The following PPP4R1 variants were observed in gnomAD, a reference collection of about 807,000 sequenced individuals.
PPP4R1 encodes the protein serine/threonine-protein phosphatase 4 regulatory subunit 1.
In PPP4R1, 42 loss-of-function variants were observed where a neutral mutation model predicts 111.2. That is an observed-to-expected ratio of 0.38 (90% CI 0.29 to 0.49). The LOEUF (loss-of-function observed/expected upper bound fraction) is 0.49. PPP4R1 is among the 20% of genes least tolerant of loss of function. The pLI is 0.97. For synonymous variants in PPP4R1, 409 were observed against 405.5 expected (o/e 1.01, Z -0.10); for missense variants, 1,012 against 1,161.6 (o/e 0.87, Z 1.87).
intron 2 of PPP4R1, among the ~76,000 whole-genome samples, chr18:9,611,406 G>A (rs1231188332): frequency 3.3e-5 from 5 of 152,000 alleles, no homozygotes; most frequent in Non-Finnish European, 7.4e-5. Context: ...GCTTCTCCAG[G>A]ATGTGACAGC....
intron 2 of PPP4R1, among the ~76,000 whole-genome samples, chr18:9,596,009 G>C (rs1383368472): frequency 3.9e-5 from 6 of 152,152 alleles, no homozygotes; most frequent in Non-Finnish European, 8.8e-5. Context: ...AAACCTGACT[G>C]AAGAGGTAAA....
At chr18:9,599,354 C>T (rs1478107910) in intron 2 of PPP4R1, among the ~76,000 whole-genome samples, 1 of 152,032 alleles carries the variant, frequency 6.6e-6, no homozygotes, top group Non-Finnish European at 1.5e-5. Context: ...AACACACATA[C>T]ACCAAAGACA....
chr18:9,603,133 G>T (rs918793957), intron 2 of PPP4R1, among the ~76,000 whole-genome samples: 1 of 121,066 alleles, frequency 8.3e-6, no homozygotes, highest in Non-Finnish European at 1.7e-5. Context: ...AGTAAGTAGG[G>T]AAACCATGTG....
At position 9,614,463 on chromosome 18, in the gene PPP4R1, CA is replaced by C. The variant is rs1205258535; in HGVS notation, c.7+14del. 39 of 1,032,208 alleles carry C rather than the reference CA, an allele frequency of 3.8e-5. No individual in the cohort carries two copies. In the East Asian group the frequency reaches 2.7e-3, roughly 71 times the overall value. 63.9% of individuals were successfully genotyped at this position (1,032,208 alleles called of 1,614,324 possible). A position where few individuals can be genotyped will look rare whatever the true frequency, so the allele number is the denominator to read the frequency against. On this transcript the variant is annotated intron_variant, in intron 1 of 19. Coordinates refer to ENST00000400556, the MANE Select transcript of PPP4R1 (RefSeq NM_001042388.3). This position sits in a 1 kb window ranked among gnomAD's most constrained non-coding sequence, Gnocchi z 4.1. ...CGAGGAGCCGCCGCCGCCCGGAGAACAGGGGGCCACGTACCCGCCATCTTGT... is the reference window on the plus strand; with the variant it reads ...CGAGGAGCCGCCGCCGCCCGGAGAACGGGGGCCACGTACCCGCCATCTTGT...
At chr18:9,613,229 ACT>A (rs1202201686) in intron 2 of PPP4R1, among the ~76,000 whole-genome samples, 2 of 151,962 alleles carry the variant, frequency 1.3e-5, no homozygotes, top group African/African-American at 4.8e-5. Flanking sequence ...TATTTTGCAC[ACT>A]CTGCATTTTT....
chr18:9,598,335 C>T (rs1230082071), intron 2 of PPP4R1, among the ~76,000 whole-genome samples: 3 of 151,922 alleles, frequency 2.0e-5, no homozygotes, highest in South Asian at 4.2e-4. Flanking sequence ...TCAATGAAAC[C>T]CATGAGCAAG....
intron 5 of PPP4R1, 107 bp from the exon 6 acceptor site, chr18:9,588,342 G>A (rs2067155035): frequency 1.7e-6 from 2 of 1,180,640 alleles, no homozygotes; most frequent in Non-Finnish European, 2.3e-6. Flanking sequence ...ACCCATAACT[G>A]GCAAAACTCC....
chr18:9,560,427 C>T (rs1337697108), intron 13 of PPP4R1, among the ~76,000 whole-genome samples: 4 of 151,654 alleles, frequency 2.6e-5, no homozygotes, highest in Non-Finnish European at 5.9e-5. Context: ...ATAAATATAG[C>T]TGTGGAAGGA....
chr18:9,568,480 A>G (rs148264118), intron 11 of PPP4R1, among the ~76,000 whole-genome samples: 205 of 152,358 alleles, frequency 1.3e-3, no homozygotes, highest in African/African-American at 4.8e-3. Context: ...TACAAAGAGT[A>G]TTAGATATCT....
chr18:9,583,346 T>C, intron 8 of PPP4R1, 71 bp from the exon 9 acceptor site: 1 of 1,333,304 alleles, frequency 7.5e-7, no homozygotes, highest in Non-Finnish European at 1.0e-6. Flanking sequence ...TCGCTTTCAT[T>C]TTCTGCTTTC....
intron 13 of PPP4R1, among the ~76,000 whole-genome samples, chr18:9,561,559 G>A (rs1383251240): frequency 6.6e-6 from 1 of 152,074 alleles, no homozygotes; most frequent in Non-Finnish European, 1.5e-5. Context: ...GTTACTGATG[G>A]CACTTTAAAA....
intron 4 of PPP4R1, among the ~76,000 whole-genome samples, chr18:9,591,547 C>T (rs891408787): frequency 2.6e-5 from 4 of 151,940 alleles, no homozygotes; most frequent in Admixed American, 1.3e-4. Context: ...GGCAGAAGAC[C>T]GAAAGGTTCT....
intron 2 of PPP4R1, among the ~76,000 whole-genome samples, chr18:9,604,999 G>T (rs28572505): frequency 6.6e-6 from 1 of 151,996 alleles, no homozygotes; most frequent in Non-Finnish European, 1.5e-5. Context: ...TTTTTAATTC[G>T]TACAAACTTT....
intron 15 of PPP4R1, among the ~76,000 whole-genome samples, chr18:9,555,884 C>T (rs1013900653): frequency 1.3e-5 from 2 of 152,068 alleles, no homozygotes; most frequent in Admixed American, 6.5e-5. Context: ...CGCCTGTAAT[C>T]CCAGCACTTT....
At chr18:9,616,143 GGTCCCAACTGACTCAAACC>G, upstream of PPP4R1, among the ~76,000 whole-genome samples, 1 of 152,162 alleles carries the variant, frequency 6.6e-6, no homozygotes, top group East Asian at 1.9e-4. Flanking sequence ...AACAGCAATT[GGTCCCAACTGACTCAAACC>G]ATGAGACTTC....
rs1490635094 is a variant in PPP4R1, at chr18:9,550,137, C to T, written c.2462G>A (p.Gly821Glu). 3 of 1,614,192 alleles carry T rather than the reference C, an allele frequency of 1.9e-6. No individual in the cohort carries two copies. Among genetic ancestry groups the T allele is most frequent in the Non-Finnish European group, 2.5e-6 (3 of 1,180,036 alleles). ...CACAAGCTCATTGATGAGGTCCACT[C>T]CGAACGTTGGTGGTGTTGCCGCGTG... ...KLHAATPPTF[G>E]VDLINELVEN... is the part of the protein sequence containing the mutation. The change falls in exon 18 of 20, where the codon GGA becomes GAA. Residue 821 changes from glycine (G) to glutamate (E), a missense_variant. This residue lies in a region of PPP4R1 where 305 missense variants were observed against 419.5 expected (regional missense o/e 0.73). Coordinates refer to ENST00000400556, the MANE Select transcript of PPP4R1 (RefSeq NM_001042388.3).
intron 4 of PPP4R1, 79 bp downstream of exon 4, chr18:9,593,689 G>A: frequency 8.1e-7 from 1 of 1,232,718 alleles, no homozygotes; most frequent in Non-Finnish European, 1.2e-6. Context: ...ACATTAACTT[G>A]TTCATTAGTT....
At chr18:9,614,609 G>A, upstream of PPP4R1, 1 of 521,724 alleles carries the variant, frequency 1.9e-6, no homozygotes, top group African/African-American at 2.1e-5. This position sits in a 1 kb window ranked among gnomAD's most constrained non-coding sequence, Gnocchi z 4.1. Flanking sequence ...GGCTGGCGGG[G>A]GCGCGCGCGC....
At position 9,547,941 on chromosome 18, in the gene PPP4R1, C is replaced by T. The variant is rs558688008; in HGVS notation, c.2701G>A (p.Ala901Thr). The part of the protein sequence containing the change: ...QTLLEKDYFL[A>T]SASCHQEAVE... ...GCCTCCTGGTGGCAGCTGGCAGAGG[C>T]CAAGAAATAGTCTGGAAATGACATG... Residue 901 changes from alanine (A) to threonine (T), a missense_variant, in exon 20 of 20, where the codon GCC becomes ACC. This residue lies in a region of PPP4R1 where 305 missense variants were observed against 419.5 expected (regional missense o/e 0.73). Coordinates refer to ENST00000400556, the MANE Select transcript of PPP4R1 (RefSeq NM_001042388.3). 294 of 1,613,708 alleles carry T rather than the reference C, an allele frequency of 1.8e-4. 1 individual carries two copies. In the South Asian group the frequency reaches 3.1e-3, roughly 17 times the overall value.
Sources: allele counts gnomAD v4.1 joint callset (sites outside exome capture counted in the v4.1 genomes callset), GRCh38; gene constraint gnomAD v4.1.1; regional missense constraint gnomAD v4.1.1; non-coding constraint Gnocchi (gnomAD v3.1); transcripts MANE v1.5; gene names NCBI Gene and HGNC (gene_info 2026-07-23, HGNC 2026-07-21).